Variants in RRP15 observed in about 807,000 individuals in gnomAD.
The protein encoded by RRP15 is RRP15-like protein.
Under a neutral mutation model 27.1 loss-of-function variants are expected in RRP15, and 18 were observed. The ratio of observed to expected loss-of-function variants is 0.66; its 90% CI spans 0.46 to 0.98. The LOEUF is 0.98. Ranked by LOEUF, RRP15 falls within the 50% of genes least tolerant of loss-of-function variation. The pLI is 0.00. For synonymous variants in RRP15, 107 were observed against 109.4 expected (o/e 0.98, Z 0.14); for missense variants, 359 against 337.8 (o/e 1.06, Z -0.49).
chr1:218,313,946 A>G (rs949366843), intron 4 of RRP15, among the ~76,000 whole-genome samples: 1 of 152,116 alleles, frequency 6.6e-6, no homozygotes, highest in African/African-American at 2.4e-5. Context: ...CATATTGACC[A>G]ATATCTTGAT....
At chr1:218,326,283 G>T (rs1169218771) in intron 4 of RRP15, among the ~76,000 whole-genome samples, 1 of 152,186 alleles carries the variant, frequency 6.6e-6, no homozygotes, top group Non-Finnish European at 1.5e-5. Context: ...TCCAGCCTAG[G>T]CAACAAGAGT....
At chr1:218,289,123 A>C (rs528099109) in intron 1 of RRP15, among the ~76,000 whole-genome samples, 1 of 152,346 alleles carries the variant, frequency 6.6e-6, no homozygotes, top group Admixed American at 6.5e-5. Context: ...CATAAATATT[A>C]GTGATGACGA....
rs973521214 is a variant in RRP15, at chr1:218,333,241, A to T, written c.*2150A>T. On this transcript the variant is annotated 3_prime_UTR_variant, in exon 5 of 5. Coordinates refer to ENST00000366932, the MANE Select transcript of RRP15 (RefSeq NM_016052.4). ...CTATGAAGTATATATAAATTATATG[A>T]CAATTTTTATCATATAGATTTGATA... is the stretch of plus-strand genomic sequence containing the variant. 3.9e-5 allele frequency: 6 copies of T among 152,166 alleles called. No individual in the cohort carries two copies. The highest frequency in any genetic ancestry group is 1.4e-4 in the African/African-American group (6 of 41,442). 9.4% of individuals were successfully genotyped at this position (152,166 alleles called of 1,614,324 possible). A position where few individuals can be genotyped will look rare whatever the true frequency, so the allele number is the denominator to read the frequency against.
In RRP15 at chr1:218,331,484, T is replaced by C. The variant is rs1235984914; in HGVS notation, c.*393T>C. On this transcript the variant is annotated 3_prime_UTR_variant, in exon 5 of 5. Transcript: ENST00000366932. ...CTGCCTTCTAACTTATAGACTCAACTATGTATCTGTAGTTTTTGGGAATGG... is the reference window on the plus strand; with the variant it reads ...CTGCCTTCTAACTTATAGACTCAACCATGTATCTGTAGTTTTTGGGAATGG... The C allele has an allele frequency of 6.5e-6, 1 of 152,804 alleles. No individual in the cohort carries two copies. The highest frequency in any genetic ancestry group is 2.4e-5 in the African/African-American group (1 of 41,392). 9.5% of individuals were successfully genotyped at this position (152,804 alleles called of 1,614,324 possible).
At chr1:218,322,987 G>C (rs1172616926) in intron 4 of RRP15, among the ~76,000 whole-genome samples, 4 of 152,220 alleles carry the variant, frequency 2.6e-5, no homozygotes, top group African/African-American at 9.6e-5. Flanking sequence ...ATGGGCGCCG[G>C]CTACTTGCGA....
intron 1 of RRP15, among the ~76,000 whole-genome samples, chr1:218,290,445 G>T (rs970277817): frequency 4.6e-5 from 7 of 151,478 alleles, no homozygotes; most frequent in African/African-American, 1.5e-4. Flanking sequence ...TTTTTTTTGG[G>T]TTTTTTGTTT....
In RRP15 at chr1:218,313,353, T is replaced by A. The variant is rs534017998; in HGVS notation, c.705+5721T>A. 1.4e-4 allele frequency among the ~76,000 whole-genome samples: 21 copies of A among 152,274 alleles called. No homozygotes were observed. In the East Asian group the frequency reaches 3.3e-3, roughly 24 times the overall value. On this transcript the variant is annotated intron_variant, in intron 4 of 4. Coordinates refer to ENST00000366932, the MANE Select transcript of RRP15 (RefSeq NM_016052.4). ...AAGAATCAGATTGGAGAGGCAATTTTAAGGTATAGATTGACTTGATTTGTG... is the reference window on the plus strand; with the variant it reads ...AAGAATCAGATTGGAGAGGCAATTTAAAGGTATAGATTGACTTGATTTGTG...
At chr1:218,325,805 ACTC>A (rs1324697095) in intron 4 of RRP15, among the ~76,000 whole-genome samples, 1 of 151,548 alleles carries the variant, frequency 6.6e-6, no homozygotes, top group East Asian at 1.9e-4. Flanking sequence ...TGTCTGTAGA[ACTC>A]CTATTATTTG....
chr1:218,327,760 G>A (rs1484851522), intron 4 of RRP15, among the ~76,000 whole-genome samples: 5 of 151,980 alleles, frequency 3.3e-5, no homozygotes, highest in African/African-American at 7.3e-5. Flanking sequence ...GTAATGATTA[G>A]CTTGAATGAT....
At chr1:218,328,416 A>C (rs994521518) in intron 4 of RRP15, among the ~76,000 whole-genome samples, 2 of 152,184 alleles carry the variant, frequency 1.3e-5, no homozygotes, top group Non-Finnish European at 2.9e-5. Flanking sequence ...TAATCTCAGC[A>C]CTTTGGGAGG....
intron 4 of RRP15, among the ~76,000 whole-genome samples, chr1:218,308,599 CA>C (rs1314481373): frequency 6.6e-5 from 10 of 152,220 alleles, no homozygotes; most frequent in Middle Eastern, 6.8e-3. Flanking sequence ...GCAAGAAGAG[CA>C]TTTAGGAATT....
At chr1:218,291,883 G>A (rs905397502) in intron 1 of RRP15, among the ~76,000 whole-genome samples, 2 of 151,320 alleles carry the variant, frequency 1.3e-5, no homozygotes, top group African/African-American at 4.9e-5. Flanking sequence ...TGTTGCCTAG[G>A]CTGGAGTGCA....
chr1:218,322,948 C>T (rs1343364336), intron 4 of RRP15, among the ~76,000 whole-genome samples: 2 of 152,180 alleles, frequency 1.3e-5, no homozygotes, highest in African/African-American at 4.8e-5. Context: ...ATGCCAGCTG[C>T]GGCAGGGTCC....
intron 4 of RRP15, among the ~76,000 whole-genome samples, chr1:218,313,886 G>T (rs1023408640): frequency 5.9e-5 from 9 of 152,078 alleles, no homozygotes. Context: ...GTAATTCTTC[G>T]ATCAAATACA....
chr1:218,316,973 A>G (rs1201542008), intron 4 of RRP15, among the ~76,000 whole-genome samples: 3 of 152,252 alleles, frequency 2.0e-5, no homozygotes, highest in African/African-American at 4.8e-5. Flanking sequence ...CTTAGAAAAT[A>G]TAAAACTAGA....
intron 2 of RRP15, among the ~76,000 whole-genome samples, chr1:218,304,116 G>A (rs1259515846): frequency 6.6e-6 from 1 of 152,124 alleles, no homozygotes. Context: ...TCTTTATAGT[G>A]AGCGCAAGAA....
rs988450508 is a variant in RRP15, at chr1:218,332,849, T to C, written c.*1758T>C. On this transcript the variant is annotated 3_prime_UTR_variant, in exon 5 of 5. Coordinates refer to ENST00000366932, the MANE Select transcript of RRP15 (RefSeq NM_016052.4). ...ATACAGATACATATTTCAATATGAC[T>C]TAACAAACACACAATTTTGAAAAAA... 1 of 150,766 alleles carries C rather than the reference T, an allele frequency of 6.6e-6. No homozygotes were observed. The allele number at this position is 150,766 out of a possible 1,614,324, so 9.3% of individuals were successfully genotyped here. A position where few individuals can be genotyped will look rare whatever the true frequency, so the allele number is the denominator to read the frequency against.
At position 218,328,265 on chromosome 1, in the gene RRP15, A is replaced by G. The variant is rs187236583; in HGVS notation, c.706-2683A>G. 5.5e-4 allele frequency among the ~76,000 whole-genome samples: 84 copies of G among 152,352 alleles called. 1 individual carries two copies. In the East Asian group the frequency reaches 6.9e-3, roughly 13 times the overall value. ...TTGCCTAAAATACATGTTTACAGCA[A>G]TCATCTTTCAAGACAAGCATGCAAT... On this transcript the variant is annotated intron_variant, in intron 4 of 4. Coordinates refer to ENST00000366932, the MANE Select transcript of RRP15 (RefSeq NM_016052.4).
chr1:218,335,846 A>C lies in RRP15; in HGVS notation c.*4755A>C, dbSNP rs925409955. 1 of 152,158 alleles carries C rather than the reference A, an allele frequency of 6.6e-6. No homozygotes were observed. Among genetic ancestry groups the C allele is most frequent in the South Asian group, 2.1e-4 (1 of 4,832 alleles). 9.4% of individuals were successfully genotyped at this position (152,158 alleles called of 1,614,324 possible). ...CTTTTTTTTCAGTATTTATATTTTTAAAAAGATATGTTTCTTTATAATTAA... is the reference window on the plus strand; with the variant it reads ...CTTTTTTTTCAGTATTTATATTTTTCAAAAGATATGTTTCTTTATAATTAA... On this transcript the variant is annotated 3_prime_UTR_variant, in exon 5 of 5. Transcript: ENST00000366932.
Sources: allele counts gnomAD v4.1 joint callset (sites outside exome capture counted in the v4.1 genomes callset), GRCh38; gene constraint gnomAD v4.1.1; transcripts MANE v1.5; gene names NCBI Gene and HGNC (gene_info 2026-07-23, HGNC 2026-07-21).